Variants in P4HA1 observed in about 807,000 individuals in gnomAD.
The protein encoded by P4HA1 is prolyl 4-hydroxylase subunit alpha-1.
A neutral mutation model predicts 72.8 loss-of-function variants in P4HA1; 24 were observed. The ratio of observed to expected loss-of-function variants is 0.33; its 90% CI spans 0.24 to 0.46. P4HA1 has a LOEUF of 0.46. P4HA1 is among the 20% of genes least tolerant of loss of function. The pLI is 1.00. For missense variants in P4HA1, 446 were observed against 640.6 expected (o/e 0.70, Z 3.28); for synonymous variants, 201 against 218.8 (o/e 0.92, Z 0.72).
chr10:73,051,301 G>T (rs773224361), intron 6 of P4HA1, 52 bp from the exon 7 acceptor site: 1 of 952,000 alleles, frequency 1.1e-6, no homozygotes, highest in Non-Finnish European at 1.6e-6. Flanking sequence ...GCTTGTTCAA[G>T]CATCAGAATA....
At chr10:73,025,337 A>T (rs1475874509) in intron 10 of P4HA1, among the ~76,000 whole-genome samples, 1 of 152,242 alleles carries the variant, frequency 6.6e-6, no homozygotes, top group Admixed American at 6.5e-5. Context: ...AACGTAATCC[A>T]TCACATAAAC....
chr10:73,020,995 C>A (rs976918462), intron 10 of P4HA1, among the ~76,000 whole-genome samples: 2 of 152,020 alleles, frequency 1.3e-5, no homozygotes, highest in Non-Finnish European at 2.9e-5. Flanking sequence ...ATTAGCTGGG[C>A]ATGGTGGCAG....
intron 10 of P4HA1, among the ~76,000 whole-genome samples, chr10:73,028,454 A>G (rs943266305): frequency 3.9e-5 from 6 of 152,124 alleles, no homozygotes; most frequent in South Asian, 2.1e-4. Context: ...TTTCTGAAAC[A>G]GAGTTTTGCT....
At chr10:73,059,629 G>A (rs532643371) in intron 5 of P4HA1, among the ~76,000 whole-genome samples, 1 of 151,194 alleles carries the variant, frequency 6.6e-6, no homozygotes, top group South Asian at 2.1e-4. Flanking sequence ...TATAGTGCCA[G>A]CTACTCAGGA....
chr10:73,026,085 C>T (rs538448333), intron 10 of P4HA1, among the ~76,000 whole-genome samples: 1 of 152,272 alleles, frequency 6.6e-6, no homozygotes, highest in Admixed American at 6.5e-5. Context: ...TGACTTTCTT[C>T]ACAGAATTGG....
intron 9 of P4HA1, among the ~76,000 whole-genome samples, chr10:73,037,547 ATATATATATATATATATATATATATTTT>A (rs1411258863): frequency 1.4e-4 from 4 of 27,592 alleles, no homozygotes; most frequent in African/African-American, 5.9e-4. Flanking sequence ...ATATATATAT[ATATATATATATATATATATATATATTTT>A]TTTTTTTTTT....
At chr10:73,021,075 C>CT (rs1840123889) in intron 10 of P4HA1, among the ~76,000 whole-genome samples, 1 of 152,096 alleles carries the variant, frequency 6.6e-6, no homozygotes, top group Non-Finnish European at 1.5e-5. Flanking sequence ...GTGGAGGTTG[C>CT]AGTGAGCCAA....
At position 73,076,132 on chromosome 10, in the gene P4HA1, CTG is replaced by C. The variant is rs200284116; in HGVS notation, c.-32-1219_-32-1218del. ...TGTGGTGACTGATGGTGGAATGACTCTGTGAAAGTACTAAAAACCATTGAATC... is the reference window on the plus strand; with the variant it reads ...TGTGGTGACTGATGGTGGAATGACTCTGAAAGTACTAAAAACCATTGAATC... On this transcript the variant is annotated intron_variant, in intron 1 of 14. Transcript: ENST00000394890. 6.4e-3 allele frequency among the ~76,000 whole-genome samples: 974 copies of C among 152,170 alleles called. 8 individuals are homozygous for C. The highest frequency in any genetic ancestry group is 0.022 in the African/African-American group (903 of 41,486).
rs376715685 is a variant in P4HA1, at chr10:73,037,198, G to C, written c.1149-6828C>G. Among the ~76,000 whole-genome samples, 45 of 150,330 alleles carry C rather than the reference G, an allele frequency of 3.0e-4. No individual in the cohort carries two copies. The East Asian group carries it at 8.6e-3, about 29-fold the overall frequency. ...TTTTTTTTCCATTAAAAATTAAATA[G>C]CCCAAAGTATGTTCCTTTTGGCCTT... On this transcript the variant is annotated intron_variant, in intron 9 of 14. Transcript: ENST00000394890.
intron 9 of P4HA1, among the ~76,000 whole-genome samples, chr10:73,035,568 G>C (rs1366273503): frequency 6.6e-6 from 1 of 152,112 alleles, no homozygotes; most frequent in African/African-American, 2.4e-5. Context: ...GAATGGCCAT[G>C]AAAGTCTACC....
At chr10:73,022,725 G>A (rs745429109) in intron 10 of P4HA1, among the ~76,000 whole-genome samples, 2 of 152,136 alleles carry the variant, frequency 1.3e-5, no homozygotes, top group Non-Finnish European at 2.9e-5. Flanking sequence ...CTAAGCCATC[G>A]CAAGGAAGCT....
intron 3 of P4HA1, among the ~76,000 whole-genome samples, chr10:73,072,737 T>C (rs1360962157): frequency 1.3e-5 from 2 of 152,186 alleles, no homozygotes; most frequent in Non-Finnish European, 2.9e-5. Flanking sequence ...ATCAATTAAA[T>C]AACACTAACG....
At position 73,009,838 on chromosome 10, in the gene P4HA1, T is replaced by G; in HGVS notation, c.1503A>C (p.Ala501=). Residue 501 remains alanine (A), a synonymous_variant, in exon 14 of 15, where the codon GCA becomes GCC. Transcript: ENST00000394890. ...TGTTGCCAACTAGCACTGGACAGGC[T>G]GCATGCCGTGTACTATAATCTCCTT... The part of the protein sequence containing the change: ...SGEGDYSTRH[A]ACPVLVGNKW... The G allele has an allele frequency of 6.2e-7, 1 of 1,608,486 alleles. No individual in the cohort carries two copies. The highest frequency in any genetic ancestry group is 1.7e-4 in the Middle Eastern group (1 of 6,052).
intron 9 of P4HA1, among the ~76,000 whole-genome samples, chr10:73,040,086 TCTCAAGCTCCTGGG>T (rs1260258031): frequency 1.3e-5 from 2 of 151,660 alleles, no homozygotes; most frequent in African/African-American, 4.9e-5. Flanking sequence ...TCCAGGCTGG[TCTCAAGCTCCTGGG>T]CTCAAACCAT....
chr10:73,008,732 TC>T lies in P4HA1; in HGVS notation c.1535-441del, dbSNP rs1209380699. On this transcript the variant is annotated intron_variant, in intron 14 of 14. Coordinates refer to ENST00000394890, the MANE Select transcript of P4HA1 (RefSeq NM_001017962.3). ...GCACTCTAAAGGAACAACTCTCTTA[TC>T]AACCATTGCTATTGTATGCTCATCA... 3.3e-5 allele frequency among the ~76,000 whole-genome samples: 5 copies of T among 152,282 alleles called. No homozygotes were observed. In the East Asian group the frequency reaches 9.6e-4, roughly 29 times the overall value.
chr10:73,054,638 A>G (rs560680431), intron 5 of P4HA1, among the ~76,000 whole-genome samples: 1 of 152,364 alleles, frequency 6.6e-6, no homozygotes, highest in Admixed American at 6.5e-5. Flanking sequence ...GACTGGTCCT[A>G]TAGCAACTCT....
Position 73,074,804 on chromosome 10 carries a change from T to G in P4HA1, c.76+4A>C. On this transcript the variant is annotated splice_donor_region_variant and intron_variant, in intron 2 of 14. Transcript: ENST00000394890. ...AACAAAAAACAACAAGTAGTAAGAC[T>G]TACCAATTGAAGTAAAAAAGCCTGG... 6.7e-7 allele frequency: 1 copy of G among 1,482,970 alleles called. No individual in the cohort carries two copies. Among genetic ancestry groups the G allele is most frequent in the Non-Finnish European group, 9.4e-7 (1 of 1,062,760 alleles). The allele number at this position is 1,482,970 out of a possible 1,614,324, so 91.9% of individuals were successfully genotyped here. A position where few individuals can be genotyped will look rare whatever the true frequency, so the allele number is the denominator to read the frequency against.
chr10:73,008,844 G>A (rs1386290526), intron 14 of P4HA1, among the ~76,000 whole-genome samples: 1 of 150,628 alleles, frequency 6.6e-6, no homozygotes, highest in East Asian at 1.9e-4. Flanking sequence ...TTTGTCTCTG[G>A]TACCATAGAA....
chr10:73,062,992 T>C (rs1477553451), intron 5 of P4HA1, among the ~76,000 whole-genome samples: 1 of 148,422 alleles, frequency 6.7e-6, no homozygotes, highest in African/African-American at 2.6e-5. Flanking sequence ...CTGGCCCCAT[T>C]AGTCACTTAC....
Sources: gnomAD v4.1 joint callset for allele counts (sites outside exome capture counted in the v4.1 genomes callset) on GRCh38, gnomAD v4.1.1 for gene constraint, MANE v1.5 for transcripts, NCBI Gene and HGNC (gene_info 2026-07-23, HGNC 2026-07-21) for gene names.